Variants in DAB1 observed in about 807,000 individuals in gnomAD.
DAB1 encodes the protein disabled homolog 1.
A neutral mutation model predicts 64.6 loss-of-function variants in DAB1; 15 were observed. The observed-to-expected ratio is 0.23, with a 90% CI of 0.16 to 0.36. The LOEUF is 0.36. DAB1 is among the 10% of genes least tolerant of loss of function. The pLI, the probability that DAB1 is intolerant of heterozygous loss-of-function variation, is 1.00. For missense variants in DAB1, 596 were observed against 706.7 expected, an observed-to-expected ratio of 0.84 and a Z score of 1.78; for synonymous variants, 235 against 251.9, an observed-to-expected ratio of 0.93 and a Z score of 0.64.
chr1:57,511,296 C>T (rs1351238233), intron 7 of DAB1, among the ~76,000 whole-genome samples: 1 of 152,174 alleles, frequency 6.6e-6, no homozygotes, highest in East Asian at 1.9e-4. Context: ...CTCCCTCACC[C>T]AACTAAGGCC....
At chr1:58,010,015 G>A (rs1646644389) in intron 5 of DAB1, among the ~76,000 whole-genome samples, 1 of 152,154 alleles carries the variant, frequency 6.6e-6, no homozygotes, top group South Asian at 2.1e-4. Context: ...CAAACATAGA[G>A]GTGAAGTAGA....
chr1:58,038,934 T>C (rs1046214380), intron 5 of DAB1, among the ~76,000 whole-genome samples: 1 of 152,188 alleles, frequency 6.6e-6, no homozygotes. Flanking sequence ...GACCATCATA[T>C]GTACGTTCGG....
At chr1:57,045,608 G>A (rs987898271) in intron 9 of DAB1, among the ~76,000 whole-genome samples, 1 of 152,144 alleles carries the variant, frequency 6.6e-6, no homozygotes, top group African/African-American at 2.4e-5. Flanking sequence ...TGAGGCAGGA[G>A]AATCACTTGA....
intron 2 of DAB1, among the ~76,000 whole-genome samples, chr1:57,274,014 C>T (rs1160034534): frequency 1.3e-5 from 2 of 152,244 alleles, no homozygotes; most frequent in South Asian, 2.1e-4. Flanking sequence ...GTACCAACCT[C>T]GGCATTTGGC....
chr1:57,294,532 A>G (rs917220790), intron 1 of DAB1, among the ~76,000 whole-genome samples: 1 of 152,074 alleles, frequency 6.6e-6, no homozygotes, highest in African/African-American at 2.4e-5. Flanking sequence ...CTAAACCCAT[A>G]CTATAACACA....
At chr1:57,121,817 C>T (rs1007426079) in intron 4 of DAB1, among the ~76,000 whole-genome samples, 1 of 151,702 alleles carries the variant, frequency 6.6e-6, no homozygotes, top group African/African-American at 2.4e-5. Flanking sequence ...ACTTAGAGGA[C>T]GGGTTAGTAG....
intron 2 of DAB1, among the ~76,000 whole-genome samples, chr1:57,194,363 G>C (rs76645059): frequency 6.6e-6 from 1 of 152,098 alleles, no homozygotes; most frequent in South Asian, 2.1e-4. Flanking sequence ...GTGATTTCAC[G>C]TAAGGTGCTG....
intron 5 of DAB1, among the ~76,000 whole-genome samples, chr1:57,899,255 A>G (rs1644438208): frequency 6.6e-6 from 1 of 152,168 alleles, no homozygotes; most frequent in Admixed American, 6.5e-5. Context: ...CTCATGAAAT[A>G]GAAGCTGTCT....
At chr1:57,565,610 G>T (rs984950417) in intron 7 of DAB1, among the ~76,000 whole-genome samples, 1 of 152,078 alleles carries the variant, frequency 6.6e-6, no homozygotes, top group Non-Finnish European at 1.5e-5. Flanking sequence ...CAAAAAAAAG[G>T]CAGGGATTGC....
chr1:57,261,651 C>T (rs1385054729), intron 2 of DAB1, among the ~76,000 whole-genome samples: 1 of 152,256 alleles, frequency 6.6e-6, no homozygotes, highest in South Asian at 2.1e-4. Flanking sequence ...AGCTCAGTAC[C>T]TGGCACATAG....
At chr1:57,313,689 A>G (rs371330898) in intron 1 of DAB1, among the ~76,000 whole-genome samples, 1 of 152,244 alleles carries the variant, frequency 6.6e-6, no homozygotes, top group East Asian at 1.9e-4. Context: ...GGTTGTTAAC[A>G]TTATATTACG....
At chr1:57,430,077 G>C (rs577305968) in intron 7 of DAB1, among the ~76,000 whole-genome samples, 2 of 152,154 alleles carry the variant, frequency 1.3e-5, no homozygotes, top group African/African-American at 4.8e-5. Flanking sequence ...GCTTTGGATA[G>C]TATGGATACT....
At chr1:58,139,899 T>G (rs759457451) in intron 5 of DAB1, among the ~76,000 whole-genome samples, 1 of 152,202 alleles carries the variant, frequency 6.6e-6, no homozygotes, top group Non-Finnish European at 1.5e-5. Context: ...CAGGAGGTGC[T>G]CAATAGTGGA....
chr1:57,196,319 T>A (rs1028146275), intron 2 of DAB1, among the ~76,000 whole-genome samples: 15 of 152,220 alleles, frequency 9.9e-5, no homozygotes, highest in African/African-American at 3.6e-4. Flanking sequence ...AGTGTAGCCA[T>A]CCTCACCATA....
At chr1:58,080,508 T>C (rs1232664943) in intron 5 of DAB1, among the ~76,000 whole-genome samples, 1 of 152,258 alleles carries the variant, frequency 6.6e-6, no homozygotes, top group African/African-American at 2.4e-5. Flanking sequence ...GTTTATCCTG[T>C]AACCTTGCCA....
At chr1:58,089,395 TTAC>T (rs1186894510) in intron 5 of DAB1, among the ~76,000 whole-genome samples, 1 of 152,258 alleles carries the variant, frequency 6.6e-6, no homozygotes, top group Non-Finnish European at 1.5e-5. Context: ...GTTGTTATTA[TTAC>T]TACTACTATT....
At chr1:58,356,981 G>T (rs1438649519) in intron 3 of DAB1, among the ~76,000 whole-genome samples, 1 of 131,480 alleles carries the variant, frequency 7.6e-6, no homozygotes, top group Non-Finnish European at 1.5e-5. Flanking sequence ...AGCCGTGATT[G>T]TACCACTTCA....
At chr1:58,016,780 G>T (rs1216162871) in intron 5 of DAB1, among the ~76,000 whole-genome samples, 1 of 152,016 alleles carries the variant, frequency 6.6e-6, no homozygotes, top group African/African-American at 2.4e-5. Context: ...TATGTACCAG[G>T]TGCAAGGCCA....
At chr1:57,590,937 A>G (rs547575608) in intron 7 of DAB1, among the ~76,000 whole-genome samples, 33 of 152,310 alleles carry the variant, frequency 2.2e-4, no homozygotes, top group African/African-American at 7.5e-4. Context: ...CCATTTATGC[A>G]AAATTGGTTA....
Sources: allele counts gnomAD v4.1 joint callset (sites outside exome capture counted in the v4.1 genomes callset), GRCh38; gene constraint gnomAD v4.1.1; transcripts MANE v1.5; gene names NCBI Gene and HGNC (gene_info 2026-07-23, HGNC 2026-07-21).